The following LHX3 variants were observed in gnomAD, a reference collection of about 807,000 sequenced individuals.
The protein encoded by LHX3 is LIM/homeobox protein Lhx3.
Under a neutral mutation model 32.4 loss-of-function variants are expected in LHX3, and 21 were observed. The observed-to-expected ratio is 0.65, with a 90% CI of 0.46 to 0.93. The LOEUF (loss-of-function observed/expected upper bound fraction) is 0.93. Among genes scored for constraint, LHX3 ranks in the 40% least tolerant of loss-of-function variants. The pLI, the probability that LHX3 is intolerant of heterozygous loss-of-function variation, is 0.00. For missense variants in LHX3, 626 were observed against 560.0 expected (o/e 1.12, Z -1.19); for synonymous variants, 258 against 246.8 (o/e 1.05, Z -0.43).
intron 1 of LHX3, chr9:136,203,101 A>G: frequency 6.8e-7 from 1 of 1,468,740 alleles, no homozygotes. Flanking sequence ...CAGCGACGCC[A>G]CCCCGCAATA....
chr9:136,197,964 T>A (rs1415682932), intron 5 of LHX3, among the ~76,000 whole-genome samples: 2 of 152,082 alleles, frequency 1.3e-5, no homozygotes, highest in African/African-American at 2.4e-5. Context: ...CCTGGTGGGA[T>A]CAGAGTCAGG....
chr9:136,197,345 C>A lies in LHX3; in HGVS notation c.1174G>T (p.Val392Leu). The change falls in exon 6 of 6, where the codon GTA (valine) becomes TTA (leucine). Residue 392 changes from valine (V) to leucine (L), a missense_variant. Coordinates refer to ENST00000371748, the MANE Select transcript of LHX3 (RefSeq NM_178138.6). The stretch of plus-strand genomic sequence containing the variant: ...CTGGGTCAGAACTGAGCGTGGTCTA[C>A]CTCATCCAGCCAGGAGGCGGGGCTG... ...PASPASWLDE[V>L]DHAQF The A allele has an allele frequency of 6.2e-7, 1 of 1,612,104 alleles. No individual in the cohort carries two copies. Among genetic ancestry groups the A allele is most frequent in the Non-Finnish European group, 8.5e-7 (1 of 1,179,924 alleles).
chr9:136,198,836 G>A lies in LHX3; in HGVS notation c.607-16C>T, dbSNP rs200569650. On this transcript the variant is annotated splice_polypyrimidine_tract_variant and intron_variant, in intron 4 of 5. Transcript: ENST00000371748. ...GGAACCAAACCTGGGGGCGGGGCGG[G>A]GTGAGCGGCCGCCCGGCTCTGCGGG... 1 of 1,601,716 alleles carries A rather than the reference G, an allele frequency of 6.2e-7. No individual in the cohort carries two copies. Among genetic ancestry groups the A allele is most frequent in the Non-Finnish European group, 8.5e-7 (1 of 1,176,450 alleles).
At position 136,197,190 on chromosome 9, in the gene LHX3, G is replaced by A. The variant is rs763703583; in HGVS notation, c.*135C>T. ...CCCCCAGAGAGGGAGCTGTGCGGTCGGCAGTGGGAGGCTCCGAAGGCACCA... is the reference window on the plus strand; with the variant it reads ...CCCCCAGAGAGGGAGCTGTGCGGTCAGCAGTGGGAGGCTCCGAAGGCACCA... On this transcript the variant is annotated 3_prime_UTR_variant, in exon 6 of 6. Coordinates refer to ENST00000371748, the MANE Select transcript of LHX3 (RefSeq NM_178138.6). 17 of 903,692 alleles carry A rather than the reference G, an allele frequency of 1.9e-5. No individual in the cohort carries two copies. Among genetic ancestry groups the A allele is most frequent in the Middle Eastern group, 3.3e-4 (1 of 3,026 alleles). 56.0% of individuals were successfully genotyped at this position (903,692 alleles called of 1,614,324 possible).
At chr9:136,201,956 G>C (rs1388503669) in intron 1 of LHX3, among the ~76,000 whole-genome samples, 1 of 151,870 alleles carries the variant, frequency 6.6e-6, no homozygotes, top group Admixed American at 6.6e-5. Flanking sequence ...GCTCGCCGCC[G>C]GCGCCCGCGT....
chr9:136,200,115 C>G (rs538611345), intron 2 of LHX3: 111 of 651,548 alleles, frequency 1.7e-4, no homozygotes, highest in Middle Eastern at 1.5e-3. Flanking sequence ...CCTGCAGGAC[C>G]CATGCTGGAT....
At position 136,197,457 on chromosome 9, in the gene LHX3, C is replaced by T. The variant is rs768714703; in HGVS notation, c.1062G>A (p.Gly354=). ...CTGCCAGCACCCTCATGGGTGGGGG[C>T]CCGCCGGGGGCTCCCGAGGGCACAA... is the stretch of plus-strand genomic sequence containing the variant. ...LGLVPSGAPG[G]PPPMRVLAGN... is the part of the protein sequence containing the mutation. The change falls in exon 6 of 6, where the codon GGG becomes GGA. Residue 354 remains glycine (G), a synonymous_variant. Coordinates refer to ENST00000371748, the MANE Select transcript of LHX3 (RefSeq NM_178138.6). The T allele has an allele frequency of 1.3e-5, 20 of 1,580,812 alleles. No homozygotes were observed. The highest frequency in any genetic ancestry group is 1.7e-4 in the Middle Eastern group (1 of 5,864).
intron 1 of LHX3, among the ~76,000 whole-genome samples, chr9:136,204,244 GT>G (rs3834383): frequency 0.11 from 16,348 of 152,296 alleles, 952 homozygotes; most frequent in Middle Eastern, 0.24. Context: ...CGATGTGTCC[GT>G]TTTGAGCAGT....
At chr9:136,200,818 C>G (rs1039136482) in intron 1 of LHX3, 65 bp from the exon 2 acceptor site, 1 of 1,586,614 alleles carries the variant, frequency 6.3e-7, no homozygotes. Context: ...ACCTTCCCAC[C>G]CCAACGCGAG....
chr9:136,204,932 A>G lies in LHX3; in HGVS notation c.79+2T>C. The G allele has an allele frequency of 6.3e-7, 1 of 1,595,484 alleles. No individual in the cohort carries two copies. Among genetic ancestry groups the G allele is most frequent in the Non-Finnish European group, 8.5e-7 (1 of 1,172,586 alleles). On this transcript the variant is annotated splice_donor_variant, in intron 1 of 5. Coordinates refer to ENST00000371748, the MANE Select transcript of LHX3 (RefSeq NM_178138.6). LOFTEE classifies it high-confidence loss of function. ...TGTCCTCAGTGTCCTGCTGGGGCTT[A>G]CCCCGAGTCCCGCCCAAGGTGCAGA...
chr9:136,197,656 C>A lies in LHX3; in HGVS notation c.863G>T (p.Gly288Val). Reference protein sequence around the residue: ...EPTQALGRPSGALGNFSLEHG... With the variant: ...EPTQALGRPSVALGNFSLEHG... ...CTCCAGGGAGAAGTTGCCCAGGGCTCCCGAGGGCCGGCCCAAGGCCTGGGT... is the reference window on the plus strand; with the variant it reads ...CTCCAGGGAGAAGTTGCCCAGGGCTACCGAGGGCCGGCCCAAGGCCTGGGT... The change falls in exon 6 of 6, where the codon GGA becomes GTA. Residue 288 changes from glycine to valine, a missense_variant. Physicochemically the swap from Gly to Val is moderately radical, Grantham distance 109 (BLOSUM62 -3). Coordinates refer to ENST00000371748, the MANE Select transcript of LHX3 (RefSeq NM_178138.6). 1 of 1,599,136 alleles carries A rather than the reference C, an allele frequency of 6.3e-7. No homozygotes were observed.
intron 3 of LHX3, 141 bp from the exon 4 acceptor site, chr9:136,199,200 C>T: frequency 6.6e-6 from 3 of 452,530 alleles, no homozygotes; most frequent in Non-Finnish European, 1.1e-5. Context: ...TCGGAAGGCG[C>T]GGGCGCTGGG....
chr9:136,199,424 C>T (rs929225402), intron 3 of LHX3, among the ~76,000 whole-genome samples: 4 of 152,264 alleles, frequency 2.6e-5, no homozygotes, highest in African/African-American at 9.6e-5. Context: ...CCTTCGCGGC[C>T]AAGAATTTAG....
chr9:136,200,410 C>G (rs868620197), intron 2 of LHX3, 172 bp downstream of exon 2: 6 of 713,600 alleles, frequency 8.4e-6, no homozygotes, highest in Non-Finnish European at 1.4e-5. Context: ...CATGGAGAGG[C>G]CCCACCCTTA....
chr9:136,201,194 T>G (rs1349798386), intron 1 of LHX3: 2 of 1,345,528 alleles, frequency 1.5e-6, no homozygotes, highest in Admixed American at 6.9e-5. Context: ...TCGGGTCTCC[T>G]TCATGTTAAG....
rs1052220751 is a variant in LHX3 at position 136,201,102 on chromosome 9, C to A, written c.80-349G>T. 11 of 1,407,894 alleles carry A rather than the reference C, an allele frequency of 7.8e-6. No homozygotes were observed. The Admixed American group carries it at 1.5e-4, about 19-fold the overall frequency. The allele number at this position is 1,407,894 out of a possible 1,614,324, so 87.2% of individuals were successfully genotyped here. ...TGTGGAGCTCAAATGAAAACCCCAC[C>A]CCAGGGGGATCTGCTCTCTGAAGCC... On this transcript the variant is annotated intron_variant, in intron 1 of 5. Coordinates refer to ENST00000371748, the MANE Select transcript of LHX3 (RefSeq NM_178138.6).
At chr9:136,201,173 G>T (rs555803256) in intron 1 of LHX3, 2 of 1,364,168 alleles carry the variant, frequency 1.5e-6, no homozygotes, top group Non-Finnish European at 1.9e-6. Context: ...ACCTGGAGCT[G>T]GGGCACCCCA....
At chr9:136,199,230 C>G (rs1233404954) in intron 3 of LHX3, among the ~76,000 whole-genome samples, 171 bp from the exon 4 acceptor site, 1 of 152,008 alleles carries the variant, frequency 6.6e-6, no homozygotes, top group East Asian at 1.9e-4. Context: ...CAAAAACGGG[C>G]AGCACCCGGG....
intron 1 of LHX3, chr9:136,201,769 C>A (rs1322837823): frequency 5.5e-6 from 5 of 904,738 alleles, no homozygotes; most frequent in African/African-American, 1.8e-5. Context: ...GCGATGAATG[C>A]GCCCCGCATC....
Sources: allele counts gnomAD v4.1 joint callset (sites outside exome capture counted in the v4.1 genomes callset), GRCh38; gene constraint gnomAD v4.1.1; transcripts MANE v1.5; gene names NCBI Gene and HGNC (gene_info 2026-07-23, HGNC 2026-07-21).